The following ENTHD1 variants were observed in gnomAD, a reference collection of about 807,000 sequenced individuals.
ENTHD1 encodes the protein ENTH domain containing 1.
In ENTHD1, 23 loss-of-function variants were observed where a neutral mutation model predicts 39.1. That is an observed-to-expected ratio of 0.59 (90% CI 0.42 to 0.83). The LOEUF (loss-of-function observed/expected upper bound fraction) is 0.83, where lower values mean the gene tolerates loss of function less well. Ranked by LOEUF, ENTHD1 falls within the 40% of genes least tolerant of loss-of-function variation. The pLI is 0.00. For missense variants in ENTHD1, 624 were observed against 705.4 expected (o/e 0.88, Z 1.31); for synonymous variants, 230 against 258.2 (o/e 0.89, Z 1.05).
At chr22:39,862,835 A>G (rs1366366635) in intron 2 of ENTHD1, among the ~76,000 whole-genome samples, 1 of 152,336 alleles carries the variant, frequency 6.6e-6, no homozygotes, top group South Asian at 2.1e-4. Context: ...CCAATGTGAT[A>G]GCATTAAGAG....
intron 5 of ENTHD1, among the ~76,000 whole-genome samples, chr22:39,775,715 G>T (rs1432397236): frequency 6.6e-6 from 1 of 152,146 alleles, no homozygotes; most frequent in Non-Finnish European, 1.5e-5. Flanking sequence ...CCGTGGGAAT[G>T]GGAATGGAGT....
intron 6 of ENTHD1, among the ~76,000 whole-genome samples, chr22:39,758,407 T>C (rs1361176676): frequency 6.6e-6 from 1 of 152,130 alleles, no homozygotes; most frequent in Non-Finnish European, 1.5e-5. Context: ...ATATTAGGGC[T>C]TTTTAAAAAA....
chr22:39,748,211 G>C (rs1237181785), intron 6 of ENTHD1, among the ~76,000 whole-genome samples: 1 of 150,690 alleles, frequency 6.6e-6, no homozygotes, highest in Non-Finnish European at 1.5e-5. Flanking sequence ...GTCATGCCAG[G>C]GCGCTCCAAC....
intron 6 of ENTHD1, among the ~76,000 whole-genome samples, chr22:39,747,989 C>A (rs2065119229): frequency 6.6e-6 from 1 of 152,112 alleles, no homozygotes; most frequent in South Asian, 2.1e-4. Context: ...TGGCTCACAC[C>A]TGTAATCCCA....
chr22:39,876,454 C>A (rs1358453098), intron 2 of ENTHD1, among the ~76,000 whole-genome samples: 1 of 148,454 alleles, frequency 6.7e-6, no homozygotes. Flanking sequence ...TCCTGCTTTG[C>A]GTCAGGGACG....
intron 4 of ENTHD1, among the ~76,000 whole-genome samples, chr22:39,832,786 T>C (rs1340357232): frequency 6.6e-6 from 1 of 152,064 alleles, no homozygotes; most frequent in African/African-American, 2.4e-5. Flanking sequence ...TTTGAACTGG[T>C]AAATGTGTGT....
intron 3 of ENTHD1, among the ~76,000 whole-genome samples, chr22:39,846,312 C>A (rs760112381): frequency 1.3e-5 from 2 of 152,236 alleles, no homozygotes; most frequent in Non-Finnish European, 2.9e-5. Context: ...GCGATCTTCC[C>A]ATTTCTGCCT....
chr22:39,768,793 G>C (rs1191819882), intron 5 of ENTHD1, among the ~76,000 whole-genome samples: 1 of 151,686 alleles, frequency 6.6e-6, no homozygotes, highest in Non-Finnish European at 1.5e-5. Flanking sequence ...TGTATTTGAC[G>C]CCTAAAAATA....
At chr22:39,887,955 G>C (rs1057067577) in intron 1 of ENTHD1, 52 bp from the exon 2 acceptor site, 38 of 473,298 alleles carry the variant, frequency 8.0e-5, no homozygotes, top group African/African-American at 6.9e-4. Context: ...TAAGTCTATA[G>C]AAGACCAAAT....
chr22:39,807,459 G>C (rs772427974), intron 5 of ENTHD1, among the ~76,000 whole-genome samples: 19 of 152,024 alleles, frequency 1.2e-4, no homozygotes, highest in Non-Finnish European at 2.1e-4. Context: ...CCAAAGGCCG[G>C]GAAGCAATAT....
intron 2 of ENTHD1, among the ~76,000 whole-genome samples, chr22:39,881,664 C>T (rs2088282387): frequency 6.6e-6 from 1 of 152,156 alleles, no homozygotes; most frequent in African/African-American, 2.4e-5. Flanking sequence ...ACAATAAACA[C>T]ATCCTAAAAT....
At chr22:39,785,507 A>G (rs1242606100) in intron 5 of ENTHD1, among the ~76,000 whole-genome samples, 2 of 152,026 alleles carry the variant, frequency 1.3e-5, no homozygotes, top group Non-Finnish European at 2.9e-5. Context: ...AGAGACAACT[A>G]TCTCTCTTTC....
chr22:39,876,514 TAAAAAAAA>T (rs137946), intron 2 of ENTHD1, among the ~76,000 whole-genome samples: 1 of 105,794 alleles, frequency 9.5e-6, no homozygotes, highest in African/African-American at 3.6e-5. Flanking sequence ...ACGGGTCATC[TAAAAAAAA>T]AAAAAAAAAA....
intron 5 of ENTHD1, among the ~76,000 whole-genome samples, chr22:39,812,304 CG>C (rs1448987286): frequency 6.6e-6 from 1 of 152,102 alleles, no homozygotes; most frequent in Admixed American, 6.5e-5. Context: ...CCTGAAAGAC[CG>C]CAGGAGAATC....
intron 5 of ENTHD1, among the ~76,000 whole-genome samples, chr22:39,811,841 T>C (rs1412615354): frequency 6.6e-6 from 1 of 151,698 alleles, no homozygotes; most frequent in Non-Finnish European, 1.5e-5. Context: ...TAGCCGGGTG[T>C]GGTGGTGGGC....
intron 5 of ENTHD1, among the ~76,000 whole-genome samples, chr22:39,818,521 T>G (rs1418571023): frequency 6.6e-6 from 1 of 152,230 alleles, no homozygotes; most frequent in African/African-American, 2.4e-5. Flanking sequence ...GCATTGTGAG[T>G]ACTGGCAGTT....
chr22:39,856,597 A>G (rs1012002197), intron 3 of ENTHD1, among the ~76,000 whole-genome samples: 45 of 152,210 alleles, frequency 3.0e-4, no homozygotes, highest in African/African-American at 1.1e-3. Flanking sequence ...TAGATATACA[A>G]TAATGATGCC....
At chr22:39,749,698 T>C (rs73888165) in intron 6 of ENTHD1, among the ~76,000 whole-genome samples, 12,420 of 152,236 alleles carry the variant, frequency 0.082, 556 homozygotes, top group South Asian at 0.13. Context: ...GTTAACTATA[T>C]ACAAATTAAA....
intron 3 of ENTHD1, among the ~76,000 whole-genome samples, chr22:39,846,406 G>C (rs1266602068): frequency 6.6e-6 from 1 of 152,088 alleles, no homozygotes; most frequent in Non-Finnish European, 1.5e-5. Context: ...AGATGAGTAG[G>C]TTGCGAAAAT....
Sources: gnomAD v4.1 joint callset for allele counts (sites outside exome capture counted in the v4.1 genomes callset) on GRCh38, gnomAD v4.1.1 for gene constraint, MANE v1.5 for transcripts, NCBI Gene and HGNC (gene_info 2026-07-23, HGNC 2026-07-21) for gene names.